CPEB3: variants seen among roughly 807,000 people sequenced by gnomAD.
CPEB3 encodes cytoplasmic polyadenylation element binding protein 3.
A neutral mutation model predicts 67.2 loss-of-function variants in CPEB3; 20 were observed. The ratio of observed to expected loss-of-function variants is 0.30; its 90% CI spans 0.21 to 0.43. The LOEUF (loss-of-function observed/expected upper bound fraction) is 0.43, where lower values mean the gene tolerates loss of function less well. Ranked by LOEUF, CPEB3 falls within the 20% of genes least tolerant of loss-of-function variation. CPEB3 has a pLI of 1.00. For missense variants in CPEB3, 746 were observed against 968.6 expected (o/e 0.77, Z 3.05); for synonymous variants, 376 against 393.1 (o/e 0.96, Z 0.51).
intron 7 of CPEB3, among the ~76,000 whole-genome samples, chr10:92,110,323 C>T (rs1844673200): frequency 6.6e-6 from 1 of 152,190 alleles, no homozygotes; most frequent in Non-Finnish European, 1.5e-5. Flanking sequence ...AGCACCAAGC[C>T]TTGACACACA....
chr10:92,116,405 A>G (rs548049902), intron 6 of CPEB3, among the ~76,000 whole-genome samples: 31 of 152,212 alleles, frequency 2.0e-4, no homozygotes, highest in African/African-American at 6.5e-4. Flanking sequence ...CAAACAAACA[A>G]TAAAGTGACT....
chr10:92,070,333 T>A (rs191362286), intron 9 of CPEB3, among the ~76,000 whole-genome samples: 5 of 152,190 alleles, frequency 3.3e-5, no homozygotes, highest in Non-Finnish European at 5.9e-5. Context: ...CTCAGCAAAA[T>A]TTTTTAAATA....
At position 92,136,960 on chromosome 10, in the gene CPEB3, T is replaced by C. The variant is rs186514503; in HGVS notation, c.1453+6069A>G. 1.1e-4 allele frequency: 20 copies of C among 188,448 alleles called. 1 individual carries two copies. The East Asian group carries it at 1.9e-3, about 18-fold the overall frequency. 11.7% of individuals were successfully genotyped at this position (188,448 alleles called of 1,614,324 possible). A position where few individuals can be genotyped will look rare whatever the true frequency, so the allele number is the denominator to read the frequency against. On this transcript the variant is annotated intron_variant, in intron 6 of 9. Transcript: ENST00000265997. Reference sequence around the variant, plus strand: ...ATGAGATTGTTGACAGTTTTGATGATATGAACCTCTTGGAATCCCTCCTCC... The same window carrying C: ...ATGAGATTGTTGACAGTTTTGATGACATGAACCTCTTGGAATCCCTCCTCC...
At chr10:92,223,749 A>AT (rs377483708) in intron 2 of CPEB3, among the ~76,000 whole-genome samples, 30,480 of 111,410 alleles carry the variant, frequency 0.27, 4,211 homozygotes, top group Middle Eastern at 0.42. Flanking sequence ...AATTTTTGTA[A>AT]TTTTTTTTTT....
At chr10:92,213,308 G>A (rs1165216178) in intron 2 of CPEB3, among the ~76,000 whole-genome samples, 2 of 152,124 alleles carry the variant, frequency 1.3e-5, no homozygotes, top group African/African-American at 2.4e-5. Flanking sequence ...CCCTAGTGGT[G>A]TTTACATGGG....
chr10:92,290,842 C>T (rs187035743), intron 1 of CPEB3, 84 bp downstream of exon 1: 2,215 of 152,502 alleles, frequency 0.015, 56 homozygotes, highest in African/African-American at 0.05. Context: ...TAAGAAATGG[C>T]CCTTCAGCCC....
intron 4 of CPEB3, 148 bp downstream of exon 4, chr10:92,180,815 G>T: frequency 1.7e-6 from 1 of 581,724 alleles, no homozygotes; most frequent in Non-Finnish European, 3.1e-6. Flanking sequence ...CTGGTCCAGG[G>T]ACCACACTTT....
intron 9 of CPEB3, 43 bp downstream of exon 9, chr10:92,081,277 T>G (rs1843142690): frequency 6.2e-7 from 1 of 1,609,066 alleles, no homozygotes. Flanking sequence ...AGAACAAACT[T>G]CTTTTCTCTC....
chr10:92,168,141 T>C (rs1847831949), intron 4 of CPEB3, among the ~76,000 whole-genome samples: 1 of 152,186 alleles, frequency 6.6e-6, no homozygotes, highest in South Asian at 2.1e-4. Flanking sequence ...CACAATAAAA[T>C]GATACATGCC....
At chr10:92,092,952 A>G (rs1843683786) in intron 7 of CPEB3, among the ~76,000 whole-genome samples, 1 of 152,198 alleles carries the variant, frequency 6.6e-6, no homozygotes, top group Admixed American at 6.5e-5. Flanking sequence ...ACTCTGACTT[A>G]GTGCCCATAG....
chr10:92,167,728 G>A (rs1251001524), intron 4 of CPEB3, among the ~76,000 whole-genome samples: 1 of 152,092 alleles, frequency 6.6e-6, no homozygotes, highest in Non-Finnish European at 1.5e-5. Flanking sequence ...CCAACATAGT[G>A]AAACACTGTC....
At chr10:92,152,175 T>A (rs571509679) in intron 4 of CPEB3, among the ~76,000 whole-genome samples, 1 of 152,288 alleles carries the variant, frequency 6.6e-6, no homozygotes, top group African/African-American at 2.4e-5. Context: ...ATTCTAGGCT[T>A]CCTCAAAGTA....
At chr10:92,253,504 T>C (rs1367688747) in intron 1 of CPEB3, among the ~76,000 whole-genome samples, 1 of 134,962 alleles carries the variant, frequency 7.4e-6, no homozygotes, top group East Asian at 2.1e-4. Context: ...GAAAAGAAAA[T>C]TCAGAAAACT....
At chr10:92,185,002 G>A (rs536754916) in intron 3 of CPEB3, among the ~76,000 whole-genome samples, 1 of 152,206 alleles carries the variant, frequency 6.6e-6, no homozygotes, top group African/African-American at 2.4e-5. Flanking sequence ...GAATTTTGGA[G>A]GAAAATAAAA....
chr10:92,143,509 T>A (rs955903853), intron 5 of CPEB3, among the ~76,000 whole-genome samples: 2 of 152,216 alleles, frequency 1.3e-5, no homozygotes, highest in African/African-American at 4.8e-5. Flanking sequence ...GTTTCACTTG[T>A]AGGAACCTCT....
At chr10:92,169,445 A>G (rs561316302) in intron 4 of CPEB3, among the ~76,000 whole-genome samples, 18 of 152,208 alleles carry the variant, frequency 1.2e-4, no homozygotes, top group Non-Finnish European at 2.4e-4. Flanking sequence ...GACCTCAAGC[A>G]GTTCTTTATA....
At position 92,086,774 on chromosome 10, in the gene CPEB3, A is replaced by G. The variant is rs138254345; in HGVS notation, c.1687+5056T>C. Among the ~76,000 whole-genome samples, 34 of 152,258 alleles carry G rather than the reference A, an allele frequency of 2.2e-4. No homozygotes were observed. In the East Asian group the frequency reaches 6.5e-3, roughly 29 times the overall value. ...ATAAGTATCAATTCATTGCAGTGTT[A>G]TTTTGGTTTTATGCTAATATCACAC... On this transcript the variant is annotated intron_variant, in intron 8 of 9. Transcript: ENST00000265997.
intron 1 of CPEB3, among the ~76,000 whole-genome samples, chr10:92,277,137 A>C (rs1842028539): frequency 6.6e-6 from 1 of 152,190 alleles, no homozygotes; most frequent in African/African-American, 2.4e-5. Flanking sequence ...CAGCAAAAAA[A>C]GTTTTGACTA....
intron 2 of CPEB3, among the ~76,000 whole-genome samples, chr10:92,220,914 G>C (rs1321757299): frequency 1.3e-5 from 2 of 152,116 alleles, no homozygotes; most frequent in African/African-American, 4.8e-5. Context: ...TCTCTGAGTT[G>C]AAAGTCTACC....
Sources: allele counts gnomAD v4.1 joint callset (sites outside exome capture counted in the v4.1 genomes callset), GRCh38; gene constraint gnomAD v4.1.1; transcripts MANE v1.5; gene names NCBI Gene and HGNC (gene_info 2026-07-23, HGNC 2026-07-21).